UNC5D: variants seen among roughly 807,000 people sequenced by gnomAD.
UNC5D encodes the protein unc-5 netrin receptor D.
Under a neutral mutation model 105.4 loss-of-function variants are expected in UNC5D, and 39 were observed. That is an observed-to-expected ratio of 0.37 (90% CI 0.29 to 0.48). The LOEUF (loss-of-function observed/expected upper bound fraction) is 0.48. UNC5D is among the 20% of genes least tolerant of loss of function. The probability of loss-of-function intolerance (pLI) is 0.98; values close to 1 mark genes in which losing one functional copy is unlikely to be tolerated. For missense variants in UNC5D, 991 were observed against 1,202.4 expected, an observed-to-expected ratio of 0.82 and a Z score of 2.60; for synonymous variants, 452 against 450.4, an observed-to-expected ratio of 1.00 and a Z score of -0.04.
At chr8:35,248,381 A>G (rs186535960) in intron 1 of UNC5D, among the ~76,000 whole-genome samples, 481 of 35,812 alleles carry the variant, frequency 0.013, 124 homozygotes, top group East Asian at 0.071. Context: ...TAATATATAA[A>G]TATATGTTAT....
chr8:35,766,909 C>A lies in UNC5D; in HGVS notation c.2321C>A (p.Pro774Gln). The A allele has an allele frequency of 1.9e-6, 3 of 1,611,900 alleles. No homozygotes were observed. The highest frequency in any genetic ancestry group is 2.5e-6 in the Non-Finnish European group (3 of 1,178,792). ...TCTCCGTCTCCCCTGCAGGAAGTCC[C>A]GTTCTCCCGCGTGTGGTGCAGTAAC... ...IKPFTACQEV[P>Q]FSRVWCSNRQ... is the part of the protein sequence containing the mutation. The change falls in exon 15 of 17, where the codon CCG becomes CAG. Residue 774 changes from proline (P) to glutamine (Q), a missense_variant. Transcript: ENST00000404895.
At chr8:35,754,320 T>C (rs1830417333) in intron 13 of UNC5D, among the ~76,000 whole-genome samples, 3 of 152,226 alleles carry the variant, frequency 2.0e-5, no homozygotes, top group African/African-American at 7.2e-5. Context: ...ACTATCCTTA[T>C]GATGATACGT....
intron 1 of UNC5D, among the ~76,000 whole-genome samples, chr8:35,387,559 T>C (rs1803490061): frequency 1.3e-5 from 2 of 152,036 alleles, no homozygotes; most frequent in Non-Finnish European, 2.9e-5. Context: ...ATAATTTCAG[T>C]AAATAAGAGA....
At chr8:35,557,892 G>A (rs1384390687) in intron 2 of UNC5D, among the ~76,000 whole-genome samples, 2 of 152,102 alleles carry the variant, frequency 1.3e-5, no homozygotes, top group East Asian at 1.9e-4. Context: ...AGCACTTTGG[G>A]AGGCCGAGGC....
intron 1 of UNC5D, among the ~76,000 whole-genome samples, chr8:35,365,173 G>A (rs956712800): frequency 3.3e-5 from 5 of 152,054 alleles, no homozygotes; most frequent in East Asian, 1.9e-4. Context: ...CCTCAATCCC[G>A]ATTGCTCATT....
chr8:35,652,880 G>A (rs1305886360), intron 4 of UNC5D, among the ~76,000 whole-genome samples: 1 of 99,522 alleles, frequency 1.0e-5, no homozygotes, highest in African/African-American at 4.2e-5. Flanking sequence ...AGATCCTCTT[G>A]TCTTTGGTGG....
chr8:35,701,803 CAG>C (rs1187214617), intron 7 of UNC5D, among the ~76,000 whole-genome samples: 4 of 151,410 alleles, frequency 2.6e-5, no homozygotes, highest in Non-Finnish European at 4.4e-5. Context: ...TATAAAATCA[CAG>C]GGGATAAAGA....
chr8:35,328,695 T>C (rs1483039546), intron 1 of UNC5D, among the ~76,000 whole-genome samples: 1 of 152,098 alleles, frequency 6.6e-6, no homozygotes, highest in African/African-American at 2.4e-5. Context: ...AGCTCAGACA[T>C]CACATATAAA....
chr8:35,694,010 GCAAAA>G (rs2131386277), intron 7 of UNC5D, among the ~76,000 whole-genome samples: 1 of 152,084 alleles, frequency 6.6e-6, no homozygotes, highest in South Asian at 2.1e-4. Flanking sequence ...AAAAACGAAA[GCAAAA>G]CAAAGTAAAA....
Position 35,659,147 on chromosome 8 carries a change from G to A in UNC5D, c.571-24400G>A, listed in dbSNP as rs113846852. Among the ~76,000 whole-genome samples the A allele has an allele frequency of 2.4e-3, 365 of 152,214 alleles. 3 individuals carry two copies. The highest frequency in any genetic ancestry group is 7.8e-3 in the African/African-American group (324 of 41,526). On this transcript the variant is annotated intron_variant, in intron 4 of 16. Coordinates refer to ENST00000404895, the MANE Select transcript of UNC5D (RefSeq NM_080872.4). Reference sequence around the variant, plus strand: ...TAGTTTTTTTCCCCCTTCTTGAGCTGTAGGAACAAAAGTAGAAGCTGATTT... The same window carrying A: ...TAGTTTTTTTCCCCCTTCTTGAGCTATAGGAACAAAAGTAGAAGCTGATTT...
intron 4 of UNC5D, among the ~76,000 whole-genome samples, chr8:35,641,380 A>C (rs920285510): frequency 1.3e-5 from 2 of 150,522 alleles, no homozygotes; most frequent in African/African-American, 2.4e-5. Flanking sequence ...AAAAAAAAAA[A>C]AAAAAGAAAA....
At chr8:35,444,397 C>A (rs929370034) in intron 1 of UNC5D, among the ~76,000 whole-genome samples, 1 of 151,996 alleles carries the variant, frequency 6.6e-6, no homozygotes, top group East Asian at 1.9e-4. Flanking sequence ...TTGCAGACTT[C>A]TTTTCTTTCT....
chr8:35,636,379 T>C (rs963837689), intron 4 of UNC5D, among the ~76,000 whole-genome samples: 1 of 152,150 alleles, frequency 6.6e-6, no homozygotes, highest in African/African-American at 2.4e-5. Flanking sequence ...CTGGTAATTA[T>C]TTGTCCCGGA....
At chr8:35,661,228 A>C (rs1396537346) in intron 4 of UNC5D, among the ~76,000 whole-genome samples, 1 of 152,144 alleles carries the variant, frequency 6.6e-6, no homozygotes, top group Non-Finnish European at 1.5e-5. Context: ...TCATTGATGC[A>C]GATGTAGAGA....
intron 1 of UNC5D, among the ~76,000 whole-genome samples, chr8:35,454,409 A>G (rs950411987): frequency 2.0e-4 from 31 of 152,146 alleles, no homozygotes; most frequent in African/African-American, 7.5e-4. Context: ...AAGGAAACAC[A>G]GGAAGAGCTG....
intron 8 of UNC5D, 96 bp downstream of exon 8, chr8:35,706,057 T>C: frequency 2.4e-6 from 2 of 837,268 alleles, no homozygotes; most frequent in Middle Eastern, 4.8e-4. Flanking sequence ...GAAGTTCCTA[T>C]GAAAGATCCA....
intron 1 of UNC5D, among the ~76,000 whole-genome samples, chr8:35,505,813 G>C (rs1169992467): frequency 1.3e-5 from 2 of 152,154 alleles, no homozygotes; most frequent in East Asian, 3.8e-4. Context: ...ACAGTGGTTG[G>C]CTCTGGAGCC....
At chr8:35,374,765 T>C (rs981926204) in intron 1 of UNC5D, among the ~76,000 whole-genome samples, 5 of 152,224 alleles carry the variant, frequency 3.3e-5, no homozygotes, top group Non-Finnish European at 7.4e-5. Context: ...TGGTGACAAT[T>C]TGGAGTTATA....
At chr8:35,525,418 G>A (rs1187209503) in intron 1 of UNC5D, 40 of 1,612,048 alleles carry the variant, frequency 2.5e-5, no homozygotes, top group Non-Finnish European at 3.1e-5. Context: ...GTCTGGAAGA[G>A]CTGCTGGCCC....
Sources: gnomAD v4.1 joint callset for allele counts (sites outside exome capture counted in the v4.1 genomes callset) on GRCh38, gnomAD v4.1.1 for gene constraint, MANE v1.5 for transcripts, NCBI Gene and HGNC (gene_info 2026-07-23, HGNC 2026-07-21) for gene names.